The following RAI14 variants were observed in gnomAD, a reference collection of about 807,000 sequenced individuals.
RAI14 encodes the protein retinoic acid induced 14, also known as ankycorbin.
A neutral mutation model predicts 115.4 loss-of-function variants in RAI14; 45 were observed. That is an observed-to-expected ratio of 0.39 (90% CI 0.31 to 0.50). RAI14 has a LOEUF of 0.50. RAI14 is among the 20% of genes least tolerant of loss of function. The pLI is 0.85. For synonymous variants in RAI14, 371 were observed against 415.4 expected (o/e 0.89, Z 1.30); for missense variants, 939 against 1,131.2 (o/e 0.83, Z 2.44).
intron 2 of RAI14, among the ~76,000 whole-genome samples, chr5:34,736,002 A>G (rs1276730024): frequency 6.6e-6 from 1 of 152,274 alleles, no homozygotes; most frequent in Non-Finnish European, 1.5e-5. Flanking sequence ...CAAGGCACAT[A>G]CTATGGTTTT....
In RAI14 at chr5:34,807,816, A is replaced by G. The variant is rs776720551; in HGVS notation, c.338A>G (p.Glu113Gly). ...RKLLQSKCPAESVDSSGKTAL... is the reference protein window; with the variant it reads ...RKLLQSKCPAGSVDSSGKTAL... ...GTCTTATAGTCTAAATGCCCAGCCG[A>G]AAGTGTCGACAGCTCTGGGAAAACA... Residue 113 changes from glutamate to glycine, a missense_variant, in exon 6 of 18, where the codon GAA (glutamate) becomes GGA (glycine). Glu to Gly is a moderately conservative substitution (Grantham distance 98). Coordinates refer to ENST00000265109, the MANE Select transcript of RAI14 (RefSeq NM_015577.3). 1 of 1,610,816 alleles carries G rather than the reference A, an allele frequency of 6.2e-7. No homozygotes were observed. The highest frequency in any genetic ancestry group is 8.5e-7 in the Non-Finnish European group (1 of 1,176,952).
In RAI14 at chr5:34,830,997, C is replaced by A; in HGVS notation, c.*232C>A. The A allele has an allele frequency of 1.4e-6, 1 of 728,490 alleles. No homozygotes were observed. The highest frequency in any genetic ancestry group is 2.0e-6 in the Non-Finnish European group (1 of 499,042). The allele number at this position is 728,490 out of a possible 1,614,324, so 45.1% of individuals were successfully genotyped here. On this transcript the variant is annotated 3_prime_UTR_variant, in exon 18 of 18. Coordinates refer to ENST00000265109, the MANE Select transcript of RAI14 (RefSeq NM_015577.3). ...AAAGTCCCTGTCATCCCTTCAGATT[C>A]CAGAGCTGGGATCAGCCATGCCCAG... is the stretch of plus-strand genomic sequence containing the variant.
chr5:34,731,631 C>T (rs1242759137), intron 2 of RAI14, among the ~76,000 whole-genome samples: 2 of 152,092 alleles, frequency 1.3e-5, no homozygotes, highest in East Asian at 3.9e-4. Context: ...TGCCTAAGTG[C>T]TTCTCTTTTG....
intron 2 of RAI14, chr5:34,687,524 C>T: frequency 1.4e-6 from 2 of 1,393,324 alleles, no homozygotes; most frequent in African/African-American, 1.5e-5. Flanking sequence ...GTTATGATGT[C>T]AGAGTTATGA....
chr5:34,662,154 GC>G (rs1264772920), intron 1 of RAI14, among the ~76,000 whole-genome samples: 7 of 152,114 alleles, frequency 4.6e-5, no homozygotes, highest in Admixed American at 3.9e-4. Context: ...CATCATCATT[GC>G]CCTGACTTTG....
At chr5:34,744,308 A>G (rs920376194) in intron 2 of RAI14, among the ~76,000 whole-genome samples, 1 of 152,202 alleles carries the variant, frequency 6.6e-6, no homozygotes, top group African/African-American at 2.4e-5. Flanking sequence ...CTTGCTATTC[A>G]CAGAGGCCTT....
intron 9 of RAI14, 65 bp downstream of exon 9, chr5:34,812,010 A>T: frequency 7.1e-7 from 1 of 1,404,030 alleles, no homozygotes; most frequent in Non-Finnish European, 9.8e-7. Flanking sequence ...CAAAGGATAA[A>T]GGAATGTGTG....
At chr5:34,665,198 T>TATATATATATATATATATAC (rs369742853) in intron 1 of RAI14, among the ~76,000 whole-genome samples, 11 of 75,702 alleles carry the variant, frequency 1.5e-4, no homozygotes, top group South Asian at 8.6e-4. Context: ...TGTATATATA[T>TATATATATATATATATATAC]ACACACACCA....
intron 2 of RAI14, among the ~76,000 whole-genome samples, chr5:34,707,380 T>C (rs1740828837): frequency 6.6e-6 from 1 of 152,152 alleles, no homozygotes; most frequent in Non-Finnish European, 1.5e-5. Flanking sequence ...GGCAGGAGAA[T>C]CTCTTGAACC....
At chr5:34,812,323 A>C in intron 10 of RAI14, 115 bp downstream of exon 10, 2 of 947,608 alleles carry the variant, frequency 2.1e-6, no homozygotes, top group South Asian at 1.7e-5. Context: ...TATTGAAAAT[A>C]CTTAGGGACT....
chr5:34,683,313 C>T (rs1390), intron 1 of RAI14, among the ~76,000 whole-genome samples: 63,643 of 151,928 alleles, frequency 0.42, 15,518 homozygotes, highest in South Asian at 0.61. Flanking sequence ...CCCAAAGCCA[C>T]GGACTCTAGG....
intron 2 of RAI14, among the ~76,000 whole-genome samples, chr5:34,749,557 A>G (rs1225294426): frequency 2.6e-5 from 4 of 152,232 alleles, no homozygotes; most frequent in African/African-American, 9.6e-5. Context: ...GATGTTTGCT[A>G]TTCTAGATGG....
intron 7 of RAI14, 100 bp downstream of exon 7, chr5:34,808,754 A>G: frequency 8.6e-7 from 1 of 1,157,140 alleles, no homozygotes; most frequent in Non-Finnish European, 1.3e-6. Flanking sequence ...AGCAGTCTCC[A>G]ACCTTTTTGG....
At chr5:34,792,359 G>A (rs985634798) in intron 3 of RAI14, among the ~76,000 whole-genome samples, 21 of 149,660 alleles carry the variant, frequency 1.4e-4, no homozygotes, top group African/African-American at 4.0e-4. Flanking sequence ...TCAGCCTCCC[G>A]AGTAGATGGG....
At position 34,830,840 on chromosome 5, in the gene RAI14, C is replaced by G; in HGVS notation, c.*75C>G. 1 of 1,596,682 alleles carries G rather than the reference C, an allele frequency of 6.3e-7. No individual in the cohort carries two copies. The highest frequency in any genetic ancestry group is 1.1e-5 in the South Asian group (1 of 88,364). On this transcript the variant is annotated 3_prime_UTR_variant, in exon 18 of 18. Transcript: ENST00000265109. ...GATCCAGAGTTGTCGGCAGCCGCTG[C>G]CATTGTTCTCATTCGTGGTATGCAC...
In RAI14 at chr5:34,767,933, G is replaced by A. The variant is rs1158290610; in HGVS notation, c.167+10335G>A. 2.0e-5 allele frequency among the ~76,000 whole-genome samples: 3 copies of A among 148,702 alleles called. No individual in the cohort carries two copies. The East Asian group carries it at 6.3e-4, about 31-fold the overall frequency. The stretch of plus-strand genomic sequence containing the variant: ...TAGGGCAGTGCAGAAGGGAAATGTA[G>A]GGCTGGGACCCCCTCATAGAGTCCC... On this transcript the variant is annotated intron_variant, in intron 3 of 17. Transcript: ENST00000265109.
chr5:34,666,389 A>G (rs1743216066), intron 1 of RAI14, among the ~76,000 whole-genome samples: 1 of 151,832 alleles, frequency 6.6e-6, no homozygotes, highest in Admixed American at 6.5e-5. Context: ...TGCTCAGCCC[A>G]GTGGGGGAAA....
chr5:34,795,919 G>T lies in RAI14; in HGVS notation c.168-20G>T. 3 of 1,595,852 alleles carry T rather than the reference G, an allele frequency of 1.9e-6. No individual in the cohort carries two copies. Among genetic ancestry groups the T allele is most frequent in the Non-Finnish European group, 2.6e-6 (3 of 1,163,822 alleles). ...AAAGAGTAGAAATCTCAAGGAGATT[G>T]TGTTTACTTCTCTTTCCAGTTTCCA... On this transcript the variant is annotated intron_variant, in intron 3 of 17. Coordinates refer to ENST00000265109, the MANE Select transcript of RAI14 (RefSeq NM_015577.3).
intron 2 of RAI14, among the ~76,000 whole-genome samples, chr5:34,734,651 A>T (rs1053885138): frequency 1.3e-5 from 2 of 151,940 alleles, no homozygotes; most frequent in Non-Finnish European, 2.9e-5. Context: ...GTATTTGTGC[A>T]TATCTCATTT....
Sources: gnomAD v4.1 joint callset for allele counts (sites outside exome capture counted in the v4.1 genomes callset) on GRCh38, gnomAD v4.1.1 for gene constraint, MANE v1.5 for transcripts, NCBI Gene and HGNC (gene_info 2026-07-23, HGNC 2026-07-21) for gene names.